Variants in DNAH14 observed in about 807,000 individuals in gnomAD.
DNAH14 encodes the protein dynein axonemal heavy chain 14.
In DNAH14, 478 loss-of-function variants were observed where a neutral mutation model predicts 520.9. The ratio of observed to expected loss-of-function variants is 0.92; its 90% confidence interval spans 0.85 to 0.99. The LOEUF (loss-of-function observed/expected upper bound fraction) is 0.99, where lower values mean the gene tolerates loss of function less well. Among genes scored for constraint, DNAH14 ranks in the 50% least tolerant of loss-of-function variants. The pLI, the probability that DNAH14 is intolerant of heterozygous loss-of-function variation, is 0.00. For missense variants in DNAH14, 4,831 were observed against 5,234.5 expected, an observed-to-expected ratio of 0.92 and a Z score of 2.38; for synonymous variants, 1,581 against 1,757.2, an observed-to-expected ratio of 0.90 and a Z score of 2.51.
At chr1:225,336,019 G>A (rs61850025) in intron 66 of DNAH14, among the ~76,000 whole-genome samples, 1 of 124,314 alleles carries the variant, frequency 8.0e-6, no homozygotes, top group Non-Finnish European at 1.6e-5. Flanking sequence ...ACGCATATAT[G>A]CATATATGTA....
intron 54 of DNAH14, among the ~76,000 whole-genome samples, chr1:225,278,343 C>T (rs1427280641): frequency 2.6e-5 from 4 of 152,212 alleles, no homozygotes; most frequent in Non-Finnish European, 5.9e-5. Context: ...TCACTTGTCA[C>T]ATTCAATTCA....
chr1:225,166,335 CCATTTGTATTATACCCA>C (rs1393225795), intron 35 of DNAH14, among the ~76,000 whole-genome samples: 8 of 152,198 alleles, frequency 5.3e-5, no homozygotes, highest in African/African-American at 1.9e-4. Context: ...TTCAGCTACC[CCATTTGTATTATACCCA>C]CATTTGTATA....
intron 17 of DNAH14, among the ~76,000 whole-genome samples, chr1:225,061,280 A>G (rs113581255): frequency 0.055 from 8,376 of 152,224 alleles, 470 homozygotes; most frequent in East Asian, 0.23. Context: ...GCTAGCAATG[A>G]GCGTGGCTCC....
At chr1:225,199,454 CT>C (rs1276567184) in intron 38 of DNAH14, among the ~76,000 whole-genome samples, 1 of 151,976 alleles carries the variant, frequency 6.6e-6, no homozygotes, top group African/African-American at 2.4e-5. Context: ...CTCTTTCAGT[CT>C]TTTTGATATA....
intron 84 of DNAH14, among the ~76,000 whole-genome samples, chr1:225,393,940 TC>T (rs2095963184): frequency 6.6e-6 from 1 of 151,386 alleles, no homozygotes; most frequent in Admixed American, 6.6e-5. Flanking sequence ...TGCCTCAGCC[TC>T]CCAAGCAGCT....
chr1:224,996,338 T>TTATTA (rs1553367749), intron 8 of DNAH14, among the ~76,000 whole-genome samples: 12 of 151,670 alleles, frequency 7.9e-5, no homozygotes, highest in African/African-American at 2.9e-4. Flanking sequence ...TATTATTATT[T>TTATTA]TTTGTGGAAA....
chr1:225,247,503 A>G (rs2092353376), intron 43 of DNAH14, among the ~76,000 whole-genome samples: 2 of 152,300 alleles, frequency 1.3e-5, no homozygotes, highest in South Asian at 4.1e-4. Context: ...ATATGGAAGA[A>G]CAGTGATGAG....
At chr1:225,230,133 C>T (rs1490474512) in intron 41 of DNAH14, among the ~76,000 whole-genome samples, 7 of 151,926 alleles carry the variant, frequency 4.6e-5, no homozygotes, top group Non-Finnish European at 1.5e-5. Context: ...ATCAGAGAAG[C>T]ATAGAAAGAT....
At chr1:225,009,078 A>G (rs2064457516) in intron 10 of DNAH14, among the ~76,000 whole-genome samples, 1 of 152,082 alleles carries the variant, frequency 6.6e-6, no homozygotes, top group African/African-American at 2.4e-5. Context: ...CTCTGATGGT[A>G]GTTTCTTTTG....
intron 46 of DNAH14, among the ~76,000 whole-genome samples, chr1:225,262,221 T>C (rs639433): frequency 0.32 from 48,382 of 151,408 alleles, 8,987 homozygotes; most frequent in East Asian, 0.61. Flanking sequence ...TGTTTGAGTT[T>C]CTTGTAGATT....
At position 225,206,135 on chromosome 1, in the gene DNAH14, C is replaced by G; in HGVS notation, c.6142C>G (p.Gln2048Glu). ...GATTTTTGAAGTGGACAATCTCTCT[C>G]AGGCCAGTCCTGCTACTGTCAGCCG... ...RVIFEVDNLS[Q>E]ASPATVSRCA... The change falls in exon 40 of 86, where the codon CAG becomes GAG. Residue 2048 changes from glutamine (Q) to glutamate (E), a missense_variant. Physicochemically the swap from Gln to Glu is conservative, Grantham distance 29. Coordinates refer to ENST00000682510, the MANE Select transcript of DNAH14 (RefSeq NM_001367479.1). The G allele has an allele frequency of 6.4e-7, 1 of 1,551,456 alleles. No individual in the cohort carries two copies. The highest frequency in any genetic ancestry group is 8.7e-7 in the Non-Finnish European group (1 of 1,146,822).
intron 19 of DNAH14, among the ~76,000 whole-genome samples, chr1:225,082,171 G>GGTGTGTGCGTGTGT (rs1553434204): frequency 2.8e-5 from 4 of 145,212 alleles, no homozygotes; most frequent in African/African-American, 1.0e-4. Context: ...GAATGTTTGT[G>GGTGTGTGCGTGTGT]GTGTGTGTGT....
chr1:225,087,193 T>C (rs1175953764), intron 21 of DNAH14, among the ~76,000 whole-genome samples: 1 of 152,206 alleles, frequency 6.6e-6, no homozygotes, highest in South Asian at 2.1e-4. Context: ...TCCAAGAGCA[T>C]GGGGCTGGCA....
chr1:225,054,301 T>C (rs1411898381), intron 17 of DNAH14, among the ~76,000 whole-genome samples: 3 of 152,196 alleles, frequency 2.0e-5, no homozygotes, highest in Admixed American at 2.0e-4. Context: ...CTGTTATTAA[T>C]ACATGGGGAC....
chr1:225,043,025 A>G lies in DNAH14; in HGVS notation c.1679A>G (p.Asn560Ser). Residue 560 changes from asparagine (N) to serine (S), a missense_variant, in exon 13 of 86, where the codon AAT becomes AGT. Coordinates refer to ENST00000682510, the MANE Select transcript of DNAH14 (RefSeq NM_001367479.1). Reference protein sequence around the residue: ...FEDEMSENKDNCVKKHSSEEL... With the variant: ...FEDEMSENKDSCVKKHSSEEL... ...GATGAAATGTCAGAAAATAAAGACA[A>G]TTGTGTCAAAAAACACTCAAGTGAA... The G allele has an allele frequency of 1.3e-6, 2 of 1,551,806 alleles. No homozygotes were observed. Among genetic ancestry groups the G allele is most frequent in the Non-Finnish European group, 1.7e-6 (2 of 1,147,014 alleles).
At chr1:224,956,052 C>T (rs2060491257) in intron 3 of DNAH14, among the ~76,000 whole-genome samples, 1 of 152,056 alleles carries the variant, frequency 6.6e-6, no homozygotes. Flanking sequence ...TATTTTACTG[C>T]ACCATTCTGC....
At chr1:225,117,112 A>G (rs1171663637) in intron 23 of DNAH14, among the ~76,000 whole-genome samples, 2 of 152,118 alleles carry the variant, frequency 1.3e-5, no homozygotes, top group African/African-American at 4.8e-5. Context: ...AGTCTGGCAT[A>G]AGTTAATGGG....
At chr1:225,247,802 G>A (rs373707195) in intron 43 of DNAH14, among the ~76,000 whole-genome samples, 24 of 152,024 alleles carry the variant, frequency 1.6e-4, no homozygotes, top group Non-Finnish European at 3.4e-4. Context: ...CGAGGCAGGC[G>A]GATCACGAAG....
chr1:225,217,135 A>G (rs2089463260), intron 41 of DNAH14, among the ~76,000 whole-genome samples: 1 of 152,174 alleles, frequency 6.6e-6, no homozygotes, highest in Non-Finnish European at 1.5e-5. Context: ...CAGGACCCTC[A>G]ACTGCAGGTC....
Sources: allele counts gnomAD v4.1 joint callset (sites outside exome capture counted in the v4.1 genomes callset), GRCh38; gene constraint gnomAD v4.1.1; transcripts MANE v1.5; gene names NCBI Gene and HGNC (gene_info 2026-07-23, HGNC 2026-07-21).